S100PBP: variants seen among roughly 807,000 people sequenced by gnomAD.
S100PBP encodes S100P-binding protein.
A neutral mutation model predicts 39.9 loss-of-function variants in S100PBP; 15 were observed. The observed-to-expected ratio is 0.38, with a 90% CI of 0.25 to 0.58. The LOEUF (loss-of-function observed/expected upper bound fraction) is 0.58. Ranked by LOEUF, S100PBP falls within the 20% of genes least tolerant of loss-of-function variation. The probability of loss-of-function intolerance (pLI) is 0.70; values close to 1 mark genes in which losing one functional copy is unlikely to be tolerated. For missense variants in S100PBP, 504 were observed against 487.3 expected (o/e 1.03, Z -0.32); for synonymous variants, 178 against 180.3 (o/e 0.99, Z 0.10).
At chr1:32,852,882 T>C (rs893424430) in intron 5 of S100PBP, 197 bp from the exon 6 acceptor site, 6 of 526,592 alleles carry the variant, frequency 1.1e-5, no homozygotes, top group Non-Finnish European at 2.0e-5. Flanking sequence ...GTGGCTGCTA[T>C]TATTGCTTCA....
chr1:32,849,824 A>C (rs757107334), intron 5 of S100PBP, among the ~76,000 whole-genome samples: 96 of 152,320 alleles, frequency 6.3e-4, no homozygotes, highest in Admixed American at 2.9e-3. Flanking sequence ...TTGTCATTAG[A>C]CATGTGACTT....
rs893932697 is a variant in S100PBP, at chr1:32,858,565, T to C, written c.*2527T>C. On this transcript the variant is annotated 3_prime_UTR_variant, in exon 7 of 7. Transcript: ENST00000373475. ...TTGGTATTGGCCTCTAAGTCTAATATTGCAGTTGGAATTCTTGCTGTATTA... is the reference window on the plus strand; with the variant it reads ...TTGGTATTGGCCTCTAAGTCTAATACTGCAGTTGGAATTCTTGCTGTATTA... 2 of 152,304 alleles carry C rather than the reference T, an allele frequency of 1.3e-5. No individual in the cohort carries two copies. The highest frequency in any genetic ancestry group is 2.4e-5 in the African/African-American group (1 of 41,466). 9.4% of individuals were successfully genotyped at this position (152,304 alleles called of 1,614,324 possible).
At chr1:32,823,799 A>G (rs188657774) in intron 1 of S100PBP, among the ~76,000 whole-genome samples, 1 of 152,238 alleles carries the variant, frequency 6.6e-6, no homozygotes, top group African/African-American at 2.4e-5. Context: ...TACGTATTAT[A>G]CATTATGAGG....
intron 5 of S100PBP, among the ~76,000 whole-genome samples, chr1:32,848,387 G>A (rs1219275734): frequency 1.3e-5 from 2 of 152,152 alleles, no homozygotes; most frequent in Non-Finnish European, 2.9e-5. Flanking sequence ...TCTGTGACCA[G>A]TACTTTTGCT....
At chr1:32,833,904 A>G (rs1453672845) in intron 5 of S100PBP, 5 of 171,608 alleles carry the variant, frequency 2.9e-5, no homozygotes, top group Non-Finnish European at 7.1e-5. Flanking sequence ...TAAGATTTTT[A>G]ATGATTACAA....
At chr1:32,844,252 A>G (rs1290644283) in intron 5 of S100PBP, among the ~76,000 whole-genome samples, 1 of 151,894 alleles carries the variant, frequency 6.6e-6, no homozygotes, top group Non-Finnish European at 1.5e-5. Context: ...GGGTTTTGCT[A>G]TATTGGCCAG....
chr1:32,844,321 G>A (rs1448667152), intron 5 of S100PBP, among the ~76,000 whole-genome samples: 4 of 152,180 alleles, frequency 2.6e-5, no homozygotes, highest in Admixed American at 6.6e-5. Context: ...AAAGTGTTGG[G>A]GTTACAGGTG....
At chr1:32,819,371 T>C (rs1465599516) in intron 1 of S100PBP, among the ~76,000 whole-genome samples, 1 of 152,084 alleles carries the variant, frequency 6.6e-6, no homozygotes, top group Non-Finnish European at 1.5e-5. Context: ...AGTTCAAGAC[T>C]AGACTGGCCA....
rs747022296 is a variant in S100PBP at position 32,857,972 on chromosome 1, A to G, written c.*1934A>G. On this transcript the variant is annotated 3_prime_UTR_variant, in exon 7 of 7. Transcript: ENST00000373475. ...TATTCAAAGGCAGTAGTTGAAATCT[A>G]TTATTTTAGTTAGCCTACTTGGCAT... 1.3e-5 allele frequency: 2 copies of G among 152,212 alleles called. No homozygotes were observed. The allele number at this position is 152,212 out of a possible 1,614,324, so 9.4% of individuals were successfully genotyped here. A position where few individuals can be genotyped will look rare whatever the true frequency, so the allele number is the denominator to read the frequency against.
intron 5 of S100PBP, among the ~76,000 whole-genome samples, chr1:32,832,343 A>G (rs1195575707): frequency 6.6e-6 from 1 of 152,222 alleles, no homozygotes; most frequent in East Asian, 1.9e-4. Flanking sequence ...GCCAAAAAAT[A>G]CTGGAAACAG....
chr1:32,855,850 T>G, intron 6 of S100PBP, 74 bp from the exon 7 acceptor site: 1 of 802,030 alleles, frequency 1.2e-6, no homozygotes, highest in Non-Finnish European at 2.0e-6. Context: ...ATTGTTGTGC[T>G]GGCCTTTTTT....
chr1:32,831,712 C>G (rs1043396289), intron 5 of S100PBP, among the ~76,000 whole-genome samples: 1 of 151,970 alleles, frequency 6.6e-6, no homozygotes, highest in South Asian at 2.1e-4. Flanking sequence ...CTCCACCTCT[C>G]CCCCCATCAT....
chr1:32,819,584 AAAAT>A (rs1274649550), intron 1 of S100PBP, among the ~76,000 whole-genome samples: 1 of 152,212 alleles, frequency 6.6e-6, no homozygotes, highest in Non-Finnish European at 1.5e-5. Context: ...ATAAAATAAA[AAAAT>A]AAAGGGGTCC....
chr1:32,818,212 T>C (rs1280861803), intron 1 of S100PBP: 1 of 152,218 alleles, frequency 6.6e-6, no homozygotes, highest in Admixed American at 6.5e-5. Flanking sequence ...AACTCTCGCT[T>C]CTCCCGCTTT....
rs552747491 is a variant in S100PBP, at chr1:32,858,131, A to G, written c.*2093A>G. On this transcript the variant is annotated 3_prime_UTR_variant, in exon 7 of 7. Coordinates refer to ENST00000373475, the MANE Select transcript of S100PBP (RefSeq NM_022753.4). ...GAATAGCTAGCATTGCAGCTACAGT[A>G]GGGAACTGTAGTCTAGTTCCCTACA... The G allele has an allele frequency of 6.5e-6, 1 of 152,738 alleles. No individual in the cohort carries two copies. The highest frequency in any genetic ancestry group is 6.5e-5 in the Admixed American group (1 of 15,298). The allele number at this position is 152,738 out of a possible 1,614,324, so 9.5% of individuals were successfully genotyped here.
In S100PBP at chr1:32,856,707, T is replaced by C. The variant is rs1312351316; in HGVS notation, c.*669T>C. ...GGGTGGGGGGGATTTTTTCATTCCT[T>C]ATTGAACTTATTTTGCACAATAGTG... On this transcript the variant is annotated 3_prime_UTR_variant, in exon 7 of 7. Coordinates refer to ENST00000373475, the MANE Select transcript of S100PBP (RefSeq NM_022753.4). 6.6e-6 allele frequency: 1 copy of C among 152,622 alleles called. No individual in the cohort carries two copies. The highest frequency in any genetic ancestry group is 1.5e-5 in the Non-Finnish European group (1 of 68,040). The allele number at this position is 152,622 out of a possible 1,614,324, so 9.5% of individuals were successfully genotyped here.
intron 5 of S100PBP, among the ~76,000 whole-genome samples, chr1:32,850,353 T>C (rs141005893): frequency 6.6e-6 from 1 of 152,316 alleles, no homozygotes; most frequent in Non-Finnish European, 1.5e-5. Context: ...CCCACTGAAA[T>C]GTCCTTTTTG....
At chr1:32,851,357 G>A (rs1488615783) in intron 5 of S100PBP, among the ~76,000 whole-genome samples, 1 of 152,028 alleles carries the variant, frequency 6.6e-6, no homozygotes, top group Non-Finnish European at 1.5e-5. Flanking sequence ...CACTGTCTAG[G>A]GCTTTGATTT....
rs1640890352 is a variant in S100PBP at position 32,858,213 on chromosome 1, G to T, written c.*2175G>T. The T allele has an allele frequency of 6.5e-6, 1 of 152,680 alleles. No individual in the cohort carries two copies. Among genetic ancestry groups the T allele is most frequent in the African/African-American group, 2.4e-5 (1 of 41,462 alleles). The allele number at this position is 152,680 out of a possible 1,614,324, so 9.5% of individuals were successfully genotyped here. On this transcript the variant is annotated 3_prime_UTR_variant, in exon 7 of 7. Coordinates refer to ENST00000373475, the MANE Select transcript of S100PBP (RefSeq NM_022753.4). ...GCCTAGGCAAAAATCTAAGACTCGT[G>T]CCCTCCTGGTACATGGGGTTTTAAG...
Sources: gnomAD v4.1 joint callset for allele counts (sites outside exome capture counted in the v4.1 genomes callset) on GRCh38, gnomAD v4.1.1 for gene constraint, MANE v1.5 for transcripts, NCBI Gene and HGNC (gene_info 2026-07-23, HGNC 2026-07-21) for gene names.